Variants in MTUS2 observed in about 807,000 individuals in gnomAD.
MTUS2 encodes microtubule-associated tumor suppressor candidate 2.
MTUS2 carries 40 observed loss-of-function variants against 114.1 expected under a neutral mutation model. That is an observed-to-expected ratio of 0.35 (90% CI 0.27 to 0.46). The LOEUF is 0.46. Ranked by LOEUF, MTUS2 falls within the 20% of genes least tolerant of loss-of-function variation. The probability of loss-of-function intolerance (pLI) is 1.00; values close to 1 mark genes in which losing one functional copy is unlikely to be tolerated. For synonymous variants in MTUS2, 688 were observed against 672.0 expected, an observed-to-expected ratio of 1.02 and a Z score of -0.37; for missense variants, 1,679 against 1,705.4, an observed-to-expected ratio of 0.98 and a Z score of 0.27.
At chr13:29,116,039 A>G (rs1027192039) in intron 5 of MTUS2, among the ~76,000 whole-genome samples, 2 of 152,174 alleles carry the variant, frequency 1.3e-5, no homozygotes, top group Non-Finnish European at 2.9e-5. Flanking sequence ...ATCTGTGAAT[A>G]ATGTGCTGTT....
intron 2 of MTUS2, among the ~76,000 whole-genome samples, chr13:28,906,298 T>A (rs1367278595): frequency 6.6e-6 from 1 of 151,274 alleles, no homozygotes; most frequent in African/African-American, 2.4e-5. Context: ...TTCTGCTAGC[T>A]TTTGAATGTG....
At chr13:29,006,937 A>C (rs1016199431) in intron 2 of MTUS2, among the ~76,000 whole-genome samples, 7 of 152,138 alleles carry the variant, frequency 4.6e-5, no homozygotes, top group Admixed American at 2.6e-4. Flanking sequence ...GCCCCTGGTG[A>C]ATCTGGGGTC....
chr13:29,459,917 T>C (rs1879365928), intron 9 of MTUS2, among the ~76,000 whole-genome samples: 1 of 152,080 alleles, frequency 6.6e-6, no homozygotes, highest in Admixed American at 6.5e-5. Flanking sequence ...TCTGTCCCTC[T>C]CTTCACTCCA....
chr13:29,452,572 ATATGTG>A lies in MTUS2; in HGVS notation c.3184+12525_3184+12530del, dbSNP rs774137993. On this transcript the variant is annotated intron_variant, in intron 9 of 15. Coordinates refer to ENST00000612955, the MANE Select transcript of MTUS2 (RefSeq NM_001033602.4). ...CACCCAACTGTGTATATATATATAT[ATATGTG>A]TGTGTGTGTGTGTGTGTGTGTGTGT... Among the ~76,000 whole-genome samples, 69 of 48,722 alleles carry A rather than the reference ATATGTG, an allele frequency of 1.4e-3. 1 individual carries two copies. Among genetic ancestry groups the A allele is most frequent in the South Asian group, 7.9e-3 (7 of 888 alleles). 32.0% of individuals were successfully genotyped at this position (48,722 alleles called of 152,430 possible).
At chr13:29,469,530 G>C (rs1464486328) in intron 9 of MTUS2, among the ~76,000 whole-genome samples, 2 of 151,998 alleles carry the variant, frequency 1.3e-5, no homozygotes, top group African/African-American at 4.8e-5. Context: ...GGGAGGCTGA[G>C]GCAGGAGAAT....
chr13:29,014,335 C>G (rs1840362848), intron 2 of MTUS2, among the ~76,000 whole-genome samples: 1 of 152,188 alleles, frequency 6.6e-6, no homozygotes, highest in African/African-American at 2.4e-5. Flanking sequence ...TTCTAACATT[C>G]AGTGATTAAT....
At chr13:29,323,440 C>T (rs775765146) in intron 6 of MTUS2, among the ~76,000 whole-genome samples, 4 of 152,022 alleles carry the variant, frequency 2.6e-5, no homozygotes, top group African/African-American at 7.2e-5. Flanking sequence ...TTAGTAAAGA[C>T]GGGGTTTCAC....
At chr13:29,158,068 G>A (rs1892938771) in intron 5 of MTUS2, among the ~76,000 whole-genome samples, 2 of 152,084 alleles carry the variant, frequency 1.3e-5, no homozygotes, top group Non-Finnish European at 2.9e-5. Flanking sequence ...TTTTGTAATC[G>A]TCTCCTTACT....
At chr13:29,190,948 C>T (rs1894421932) in intron 5 of MTUS2, among the ~76,000 whole-genome samples, 1 of 152,150 alleles carries the variant, frequency 6.6e-6, no homozygotes, top group Non-Finnish European at 1.5e-5. Flanking sequence ...ATGCCATACT[C>T]TTGGCTTGCC....
At chr13:29,194,825 G>A (rs866317737) in intron 5 of MTUS2, among the ~76,000 whole-genome samples, 1 of 151,976 alleles carries the variant, frequency 6.6e-6, no homozygotes, top group South Asian at 2.1e-4. Context: ...ATTCACAATA[G>A]CAAAGACTTG....
intron 9 of MTUS2, among the ~76,000 whole-genome samples, chr13:29,461,190 G>GA (rs1343713883): frequency 6.6e-6 from 1 of 152,118 alleles, no homozygotes; most frequent in Admixed American, 6.6e-5. Flanking sequence ...GCAGGACAGA[G>GA]AGAGAGAGAA....
chr13:28,894,284 G>T (rs1174197226), intron 2 of MTUS2, among the ~76,000 whole-genome samples: 1 of 32,776 alleles, frequency 3.1e-5, no homozygotes, highest in African/African-American at 1.8e-4. Context: ...GTTGGTGGGG[G>T]GGGGGGAGAG....
At chr13:29,371,215 ACCACC>A (rs749208564) in intron 8 of MTUS2, among the ~76,000 whole-genome samples, 4 of 124,546 alleles carry the variant, frequency 3.2e-5, no homozygotes, top group African/African-American at 1.3e-4. Context: ...CTTCACATTA[ACCACC>A]CCCCCCCCCT....
At chr13:28,836,359 G>C (rs2137969582) in intron 1 of MTUS2, among the ~76,000 whole-genome samples, 1 of 152,268 alleles carries the variant, frequency 6.6e-6, no homozygotes, top group Admixed American at 6.5e-5. Flanking sequence ...TAGATGCAAA[G>C]CTTTCAGAGA....
At chr13:29,502,906 C>A in intron 15 of MTUS2, 87 bp from the exon 16 acceptor site, 1 of 1,355,880 alleles carries the variant, frequency 7.4e-7, no homozygotes, top group Non-Finnish European at 1.0e-6. Flanking sequence ...ATCATGGCCT[C>A]CTCCCTTTGC....
At chr13:29,150,569 T>A (rs1188798073) in intron 5 of MTUS2, among the ~76,000 whole-genome samples, 1 of 152,196 alleles carries the variant, frequency 6.6e-6, no homozygotes, top group Admixed American at 6.5e-5. Flanking sequence ...AATTTTTGTT[T>A]TGGTTGTGAT....
chr13:29,244,366 G>A (rs942764500), intron 5 of MTUS2, among the ~76,000 whole-genome samples: 12 of 152,208 alleles, frequency 7.9e-5, no homozygotes, highest in African/African-American at 2.9e-4. Flanking sequence ...AGTAAGGACA[G>A]GGTGGTAGAT....
At chr13:29,140,343 G>A (rs1892166581) in intron 5 of MTUS2, among the ~76,000 whole-genome samples, 1 of 152,214 alleles carries the variant, frequency 6.6e-6, no homozygotes, top group African/African-American at 2.4e-5. Flanking sequence ...AAGAATCTCA[G>A]GGCTAAGCAA....
At chr13:29,454,200 C>T (rs1878946010) in intron 9 of MTUS2, among the ~76,000 whole-genome samples, 1 of 152,150 alleles carries the variant, frequency 6.6e-6, no homozygotes, top group African/African-American at 2.4e-5. Flanking sequence ...GCCTAAGTTT[C>T]GGTATGAATC....
Sources: allele counts gnomAD v4.1 joint callset (sites outside exome capture counted in the v4.1 genomes callset), GRCh38; gene constraint gnomAD v4.1.1; transcripts MANE v1.5; gene names NCBI Gene and HGNC (gene_info 2026-07-23, HGNC 2026-07-21).